NRCAM: variants seen among roughly 807,000 people sequenced by gnomAD.
NRCAM encodes neuronal cell adhesion molecule, also known as NgCAM-related cell adhesion molecule.
NRCAM carries 83 observed loss-of-function variants against 156.5 expected under a neutral mutation model. The observed-to-expected ratio is 0.53, with a 90% CI of 0.44 to 0.64. The LOEUF is 0.64. Ranked by LOEUF, NRCAM falls within the 30% of genes least tolerant of loss-of-function variation. NRCAM has a pLI of 0.00. For synonymous variants in NRCAM, 538 were observed against 563.9 expected (o/e 0.95, Z 0.65); for missense variants, 1,417 against 1,597.3 (o/e 0.89, Z 1.92).
chr7:108,189,383 T>G (rs962754721), intron 20 of NRCAM, among the ~76,000 whole-genome samples: 2 of 152,238 alleles, frequency 1.3e-5, no homozygotes, highest in Middle Eastern at 3.2e-3. Flanking sequence ...AAAGTGATTT[T>G]TATGGATCTT....
At chr7:108,316,340 G>C (rs537202449) in intron 2 of NRCAM, among the ~76,000 whole-genome samples, 90 of 152,272 alleles carry the variant, frequency 5.9e-4, no homozygotes, top group Admixed American at 1.0e-3. Context: ...CTTGAACTTG[G>C]ACTTCTCTGC....
intron 2 of NRCAM, among the ~76,000 whole-genome samples, chr7:108,316,891 T>C (rs931122830): frequency 3.3e-5 from 5 of 152,168 alleles, no homozygotes; most frequent in Non-Finnish European, 7.4e-5. Flanking sequence ...GACATGGCTG[T>C]GGAGAAGAAG....
intron 2 of NRCAM, among the ~76,000 whole-genome samples, chr7:108,370,384 A>G (rs1563480691): frequency 6.6e-6 from 1 of 152,156 alleles, no homozygotes; most frequent in Non-Finnish European, 1.5e-5. Flanking sequence ...TCAGAGAGTC[A>G]GGCAACATAG....
chr7:108,335,548 A>G (rs1488366742), intron 2 of NRCAM, among the ~76,000 whole-genome samples: 1 of 149,378 alleles, frequency 6.7e-6, no homozygotes, highest in Non-Finnish European at 1.5e-5. Context: ...TCTCAGATTC[A>G]ACTATTTTGA....
At chr7:108,440,854 C>A (rs1231720136) in intron 1 of NRCAM, among the ~76,000 whole-genome samples, 1 of 152,196 alleles carries the variant, frequency 6.6e-6, no homozygotes, top group East Asian at 1.9e-4. Context: ...GTGTGCTGAA[C>A]TGTTATCTAA....
intron 18 of NRCAM, 21 bp downstream of exon 18, chr7:108,191,708 T>C (rs1475143547): frequency 6.4e-6 from 10 of 1,573,206 alleles, no homozygotes; most frequent in South Asian, 2.4e-5. Context: ...CCAGTTGTGC[T>C]ATTTTTGTTT....
chr7:108,206,196 C>T (rs79924173), intron 13 of NRCAM, among the ~76,000 whole-genome samples: 1,820 of 152,322 alleles, frequency 0.012, 43 homozygotes, highest in African/African-American at 0.042. Context: ...CAGGCTACAA[C>T]GACTCAGTCA....
chr7:108,249,735 T>G (rs1185341531), intron 3 of NRCAM, among the ~76,000 whole-genome samples: 2 of 152,236 alleles, frequency 1.3e-5, no homozygotes, highest in Admixed American at 6.5e-5. Flanking sequence ...ACCCAACAAT[T>G]TAAGAGCTTT....
At chr7:108,150,617 G>T in intron 32 of NRCAM, 1 of 495,310 alleles carries the variant, frequency 2.0e-6, no homozygotes, top group African/African-American at 2.0e-5. Context: ...TTTTTTCTGA[G>T]CCAGAAGGAG....
chr7:108,411,298 CT>C, intron 1 of NRCAM, among the ~76,000 whole-genome samples: 1 of 152,020 alleles, frequency 6.6e-6, no homozygotes, highest in Non-Finnish European at 1.5e-5. Context: ...GGATGATACC[CT>C]TAAGGTTTTT....
In NRCAM at chr7:108,181,952, G is replaced by A. The variant is rs2142325; in HGVS notation, c.2531-15C>T. 1,199,337 of 1,576,478 alleles carry A rather than the reference G, an allele frequency of 0.76. 462,168 individuals are homozygous for A. Among genetic ancestry groups the A allele is most frequent in the East Asian group, 0.95 (42,609 of 44,736 alleles). ...CACCATTGGGACTAGGAAAAGGACA[G>A]GGAAGTGGTAGAAGTATCAATGTTA... On this transcript the variant is annotated splice_polypyrimidine_tract_variant and intron_variant, in intron 23 of 32. Transcript: ENST00000379028.
chr7:108,299,160 A>C lies in NRCAM; in HGVS notation c.-107+13505T>G, dbSNP rs527259636. Reference sequence around the variant, plus strand: ...AAAGAAAAGAAAAGTAAAAAAAAAAAAAACCCAAAACACTGGGTGAGGACG... The same window carrying C: ...AAAGAAAAGAAAAGTAAAAAAAAAACAAACCCAAAACACTGGGTGAGGACG... On this transcript the variant is annotated intron_variant, in intron 3 of 32. Coordinates refer to ENST00000379028, the MANE Select transcript of NRCAM (RefSeq NM_001037132.4). 4.8e-5 allele frequency among the ~76,000 whole-genome samples: 7 copies of C among 146,776 alleles called. No homozygotes were observed. The South Asian group carries it at 9.0e-4, about 19-fold the overall frequency.
At chr7:108,346,290 A>G (rs979955189) in intron 2 of NRCAM, among the ~76,000 whole-genome samples, 9 of 152,180 alleles carry the variant, frequency 5.9e-5, no homozygotes, top group Non-Finnish European at 1.2e-4. Context: ...TCGAAATTTA[A>G]CTACTGGCAA....
At chr7:108,287,160 T>C (rs1039655292) in intron 3 of NRCAM, among the ~76,000 whole-genome samples, 1 of 151,946 alleles carries the variant, frequency 6.6e-6, no homozygotes, top group Non-Finnish European at 1.5e-5. Flanking sequence ...TAGAAGAAGA[T>C]ATAAAAATGA....
At chr7:108,329,400 A>T (rs1468997876) in intron 2 of NRCAM, among the ~76,000 whole-genome samples, 2 of 152,202 alleles carry the variant, frequency 1.3e-5, no homozygotes, top group African/African-American at 4.8e-5. Flanking sequence ...GGCCGCCACA[A>T]ATCCTTAACC....
chr7:108,306,782 C>G (rs557450851), intron 3 of NRCAM, among the ~76,000 whole-genome samples: 1 of 152,292 alleles, frequency 6.6e-6, no homozygotes, highest in Non-Finnish European at 1.5e-5. Context: ...ATTACCCTGT[C>G]TGGCCTGAAA....
chr7:108,265,624 A>C (rs530703030), intron 3 of NRCAM, among the ~76,000 whole-genome samples: 22 of 152,374 alleles, frequency 1.4e-4, no homozygotes, highest in African/African-American at 5.3e-4. Flanking sequence ...ATACATATTA[A>C]GCACTTACTG....
rs993427145 is a variant in NRCAM, at chr7:108,365,476, T to C, written c.-174+33960A>G. 4.6e-4 allele frequency among the ~76,000 whole-genome samples: 70 copies of C among 152,214 alleles called. 1 individual carries two copies. Among genetic ancestry groups the C allele is most frequent in the Non-Finnish European group, 1.6e-4 (11 of 68,028 alleles). On this transcript the variant is annotated intron_variant, in intron 2 of 32. Transcript: ENST00000379028. ...AATACATGTATATATTGTAGAATGATAAAATTGGGCTAATCAACATATCCA... is the reference window on the plus strand; with the variant it reads ...AATACATGTATATATTGTAGAATGACAAAATTGGGCTAATCAACATATCCA...
At chr7:108,306,495 A>G (rs959980570) in intron 3 of NRCAM, among the ~76,000 whole-genome samples, 1 of 152,202 alleles carries the variant, frequency 6.6e-6, no homozygotes, top group African/African-American at 2.4e-5. Flanking sequence ...ACCTTCTCAC[A>G]TCATTTTAAA....
Sources: allele counts gnomAD v4.1 joint callset (sites outside exome capture counted in the v4.1 genomes callset), GRCh38; gene constraint gnomAD v4.1.1; transcripts MANE v1.5; gene names NCBI Gene and HGNC (gene_info 2026-07-23, HGNC 2026-07-21).